MPRIP: variants seen among roughly 807,000 people sequenced by gnomAD.
MPRIP encodes myosin phosphatase Rho-interacting protein.
A neutral mutation model predicts 234.9 loss-of-function variants in MPRIP; 59 were observed. The ratio of observed to expected loss-of-function variants is 0.25; its 90% CI spans 0.20 to 0.31. The LOEUF is 0.31. MPRIP is among the 10% of genes least tolerant of loss of function. MPRIP has a pLI of 1.00. For synonymous variants in MPRIP, 1,144 were observed against 1,263.9 expected (o/e 0.91, Z 2.01); for missense variants, 2,436 against 3,071.0 (o/e 0.79, Z 4.89).
rs2089391458 is a variant in MPRIP, at chr17:17,078,640, T to G, written c.267+564T>G. On this transcript the variant is annotated intron_variant, in intron 3 of 23. Coordinates refer to ENST00000651222, the MANE Select transcript of MPRIP (RefSeq NM_001364716.4). The surrounding 1 kb of genome is among the most constrained non-coding windows in gnomAD (Gnocchi z 4.3). The stretch of plus-strand genomic sequence containing the variant: ...TTCTTCCTCCTCCCCACCTCCCTGG[T>G]TTTCCAGTTGCTTCCTGGGCTGGAT... 6.6e-6 allele frequency among the ~76,000 whole-genome samples: 1 copy of G among 152,222 alleles called. No individual in the cohort carries two copies. Among genetic ancestry groups the G allele is most frequent in the Non-Finnish European group, 1.5e-5 (1 of 68,040 alleles).
intron 1 of MPRIP, among the ~76,000 whole-genome samples, chr17:17,069,132 T>G (rs2089129714): frequency 6.6e-6 from 1 of 152,228 alleles, no homozygotes; most frequent in South Asian, 2.1e-4. Context: ...GCATGAACAT[T>G]TAGGCTCACT....
chr17:17,150,017 C>G, intron 11 of MPRIP, 127 bp from the exon 12 acceptor site: 1 of 704,044 alleles, frequency 1.4e-6, no homozygotes, highest in Non-Finnish European at 2.6e-6. Flanking sequence ...TAGACGGTGT[C>G]CTCACTTGTC....
rs1334655124 is a variant in MPRIP, at chr17:17,189,686, A to G, written c.*4792A>G. 6.6e-6 allele frequency: 1 copy of G among 152,236 alleles called. No individual in the cohort carries two copies. The highest frequency in any genetic ancestry group is 1.5e-5 in the Non-Finnish European group (1 of 68,038). 9.4% of individuals were successfully genotyped at this position (152,236 alleles called of 1,614,324 possible). A position where few individuals can be genotyped will look rare whatever the true frequency, so the allele number is the denominator to read the frequency against. ...CTGGGAACTTCATTCGTTTTAGGGC[A>G]TGAGATAAAAGTCCTGGCTAGGGGA... On this transcript the variant is annotated 3_prime_UTR_variant, in exon 24 of 24. Transcript: ENST00000651222.
Position 17,187,051 on chromosome 17 carries a change from A to C in MPRIP, c.*2157A>C, listed in dbSNP as rs1242004639. On this transcript the variant is annotated 3_prime_UTR_variant, in exon 24 of 24. Coordinates refer to ENST00000651222, the MANE Select transcript of MPRIP (RefSeq NM_001364716.4). ...CCATCCCTGCTGCCCCTGGGGGTGG[A>C]CCCCACTGGCCCTTCTGCAGACAGC... is the stretch of plus-strand genomic sequence containing the variant. 1 of 151,774 alleles carries C rather than the reference A, an allele frequency of 6.6e-6. No individual in the cohort carries two copies. Among genetic ancestry groups the C allele is most frequent in the East Asian group, 1.9e-4 (1 of 5,168 alleles). The allele number at this position is 151,774 out of a possible 1,614,324, so 9.4% of individuals were successfully genotyped here.
At chr17:17,127,711 G>C (rs2090520104) in intron 4 of MPRIP, among the ~76,000 whole-genome samples, 2 of 152,260 alleles carry the variant, frequency 1.3e-5, no homozygotes. Flanking sequence ...TAAACCTGGG[G>C]CTTGCTGGGC....
chr17:17,069,452 C>T (rs1173386708), intron 1 of MPRIP, among the ~76,000 whole-genome samples: 1 of 147,356 alleles, frequency 6.8e-6, no homozygotes, highest in Non-Finnish European at 1.5e-5. Context: ...ATAGTTAATG[C>T]GTCTCTGGTT....
At chr17:17,153,749 G>C (rs2045661572) in intron 12 of MPRIP, among the ~76,000 whole-genome samples, 1 of 152,080 alleles carries the variant, frequency 6.6e-6, no homozygotes. Context: ...CACTTGGACA[G>C]CTGCAGTAAC....
At position 17,189,012 on chromosome 17, in the gene MPRIP, A is replaced by C. The variant is rs2046531983; in HGVS notation, c.*4118A>C. 1 of 152,180 alleles carries C rather than the reference A, an allele frequency of 6.6e-6. No individual in the cohort carries two copies. The highest frequency in any genetic ancestry group is 1.5e-5 in the Non-Finnish European group (1 of 68,038). The allele number at this position is 152,180 out of a possible 1,614,324, so 9.4% of individuals were successfully genotyped here. A position where few individuals can be genotyped will look rare whatever the true frequency, so the allele number is the denominator to read the frequency against. On this transcript the variant is annotated 3_prime_UTR_variant, in exon 24 of 24. Transcript: ENST00000651222. ...ACATACCCCTTTCTCCCAGCTACTC[A>C]TTCACTGACTTGGGTAAGTTCTAAG...
chr17:17,165,816 G>C lies in MPRIP; in HGVS notation c.4225G>C (p.Gly1409Arg). The change falls in exon 16 of 24, where the codon GGT (glycine) becomes CGT (arginine). Residue 1409 changes from glycine (G) to arginine (R), a missense_variant. This residue lies in a region of MPRIP where 1,998 missense variants were observed against 2,520.3 expected (regional missense o/e 0.79). Transcript: ENST00000651222. ...DVTVRLESQQ[G>R]QSREALLALH... ...GACCGTGAGGCTGGAGAGCCAGCAG[G>C]GTCAGAGCCGTGAGGCACTGCTCGC... 2 of 1,304,276 alleles carry C rather than the reference G, an allele frequency of 1.5e-6. No individual in the cohort carries two copies. The highest frequency in any genetic ancestry group is 2.0e-6 in the Non-Finnish European group (2 of 988,918). 80.8% of individuals were successfully genotyped at this position (1,304,276 alleles called of 1,614,324 possible).
intron 12 of MPRIP, among the ~76,000 whole-genome samples, chr17:17,153,787 C>T (rs1176083200): frequency 2.0e-5 from 3 of 152,158 alleles, no homozygotes; most frequent in African/African-American, 7.2e-5. Context: ...TGCCTTTTCT[C>T]AGTGCCACCA....
rs2046594694 is a variant in MPRIP, at chr17:17,191,945, T to G, written c.*7051T>G. 6.6e-6 allele frequency: 1 copy of G among 152,132 alleles called. No homozygotes were observed. The highest frequency in any genetic ancestry group is 1.5e-5 in the Non-Finnish European group (1 of 68,002). 9.4% of individuals were successfully genotyped at this position (152,132 alleles called of 1,614,324 possible). A position where few individuals can be genotyped will look rare whatever the true frequency, so the allele number is the denominator to read the frequency against. On this transcript the variant is annotated 3_prime_UTR_variant, in exon 24 of 24. Coordinates refer to ENST00000651222, the MANE Select transcript of MPRIP (RefSeq NM_001364716.4). ...TAAGTATAAGAATTACTTCATGTGG[T>G]TTTCCTAGGGTACAATTTATAAAAG...
At chr17:17,115,411 T>A (rs7219115) in intron 3 of MPRIP, among the ~76,000 whole-genome samples, 10,227 of 152,176 alleles carry the variant, frequency 0.067, 408 homozygotes, top group African/African-American at 0.1. Context: ...AGGTGGGGTG[T>A]AGAGGGCCTT....
intron 1 of MPRIP, among the ~76,000 whole-genome samples, chr17:17,064,204 TTG>T (rs2088952634): frequency 6.9e-6 from 1 of 144,164 alleles, no homozygotes; most frequent in African/African-American, 2.7e-5. Context: ...TTTTTTTGTT[TTG>T]TTTTTTTTTT....
intron 20 of MPRIP, 72 bp downstream of exon 20, chr17:17,175,484 C>T (rs899160495): frequency 2.7e-6 from 4 of 1,471,102 alleles, no homozygotes; most frequent in Non-Finnish European, 3.6e-6. Context: ...CAGCATGGCC[C>T]CTGTCTTACA....
Position 17,164,248 on chromosome 17 carries a change from G to T in MPRIP, c.2657G>T (p.Gly886Val), listed in dbSNP as rs1286045157. ...ATTCAGACCCTGAAGCGTAGCTATG[G>T]GGAGGCCAAGGACACGATCCGGCAC... is the stretch of plus-strand genomic sequence containing the variant. ...HQIQTLKRSY[G>V]EAKDTIRHHE... The change falls in exon 16 of 24, where the codon GGG (glycine) becomes GTG (valine). Residue 886 changes from glycine to valine, a missense_variant. Physicochemically the swap from Gly to Val is moderately radical, Grantham distance 109 (BLOSUM62 -3). Transcript: ENST00000651222. 1 of 1,304,336 alleles carries T rather than the reference G, an allele frequency of 7.7e-7. No individual in the cohort carries two copies. The highest frequency in any genetic ancestry group is 1.2e-5 in the South Asian group (1 of 81,034). The allele number at this position is 1,304,336 out of a possible 1,614,324, so 80.8% of individuals were successfully genotyped here.
At chr17:17,157,109 G>A (rs1006111615) in intron 13 of MPRIP, among the ~76,000 whole-genome samples, 1 of 152,314 alleles carries the variant, frequency 6.6e-6, no homozygotes, top group Admixed American at 6.5e-5. Flanking sequence ...GGCAGTCTGT[G>A]GGGCCTATCT....
Position 17,177,301 on chromosome 17 carries a change from A to G in MPRIP, c.7009A>G (p.Ile2337Val). 1.2e-6 allele frequency: 2 copies of G among 1,614,084 alleles called. No individual in the cohort carries two copies. Among genetic ancestry groups the G allele is most frequent in the South Asian group, 2.2e-5 (2 of 91,092 alleles). Residue 2337 changes from isoleucine (I) to valine (V), a missense_variant, in exon 22 of 24, where the codon ATC becomes GTC. Ile to Val is a conservative substitution (Grantham distance 29, BLOSUM62 3). This residue lies in a region of MPRIP where 1,998 missense variants were observed against 2,520.3 expected (regional missense o/e 0.79). Transcript: ENST00000651222. ...KYKDIYTELS[I>V]AKAKADCDIS... ...CAAAGACATCTACACAGAGCTCAGCATCGCGAAGGCTAAGGCTGACTGTGA... is the reference window on the plus strand; with the variant it reads ...CAAAGACATCTACACAGAGCTCAGCGTCGCGAAGGCTAAGGCTGACTGTGA...
chr17:17,110,882 A>T (rs932358049), intron 3 of MPRIP, among the ~76,000 whole-genome samples: 6 of 152,116 alleles, frequency 3.9e-5, no homozygotes, highest in Admixed American at 6.5e-5. Flanking sequence ...ACTTAATGTG[A>T]TGTGGGGTCC....
chr17:17,159,105 C>G, intron 14 of MPRIP, 103 bp downstream of exon 14: 1 of 1,234,536 alleles, frequency 8.1e-7, no homozygotes, highest in Non-Finnish European at 1.1e-6. Context: ...CAGTCCTACC[C>G]GCGAGGGACT....
Sources: gnomAD v4.1 joint callset for allele counts (sites outside exome capture counted in the v4.1 genomes callset) on GRCh38, gnomAD v4.1.1 for gene constraint, gnomAD v4.1.1 regional missense constraint, Gnocchi (gnomAD v3.1) non-coding constraint, MANE v1.5 for transcripts, NCBI Gene and HGNC (gene_info 2026-07-23, HGNC 2026-07-21) for gene names.